Variants in PRKCA observed in about 807,000 individuals in gnomAD.
PRKCA encodes protein kinase C alpha.
In PRKCA, 27 loss-of-function variants were observed where a neutral mutation model predicts 87.0. That is an observed-to-expected ratio of 0.31 (90% CI 0.23 to 0.43). PRKCA has a LOEUF of 0.43. Ranked by LOEUF, PRKCA falls within the 20% of genes least tolerant of loss-of-function variation. The pLI is 1.00. For missense variants in PRKCA, 518 were observed against 852.3 expected, an observed-to-expected ratio of 0.61 and a Z score of 4.88; for synonymous variants, 329 against 311.1, an observed-to-expected ratio of 1.06 and a Z score of -0.61.
At chr17:66,647,514 C>T (rs539664675) in intron 5 of PRKCA, among the ~76,000 whole-genome samples, 1 of 152,334 alleles carries the variant, frequency 6.6e-6, no homozygotes, top group African/African-American at 2.4e-5. Context: ...GCTGGACACG[C>T]CCCGTGCCGT....
intron 15 of PRKCA, among the ~76,000 whole-genome samples, chr17:66,787,763 T>C (rs896707492): frequency 3.3e-5 from 5 of 151,796 alleles, no homozygotes; most frequent in African/African-American, 1.2e-4. Flanking sequence ...GGATTAGTCT[T>C]GCCTGTTTTG....
At chr17:66,727,329 G>C (rs1973779885) in intron 8 of PRKCA, among the ~76,000 whole-genome samples, 1 of 152,176 alleles carries the variant, frequency 6.6e-6, no homozygotes. Flanking sequence ...TCTTTAAGGG[G>C]TGGGATATTC....
chr17:66,423,579 T>G (rs924379363), intron 2 of PRKCA, among the ~76,000 whole-genome samples: 9 of 152,260 alleles, frequency 5.9e-5, no homozygotes, highest in Non-Finnish European at 1.3e-4. Context: ...GGAAGTCATC[T>G]GACAGTCCTG....
intron 5 of PRKCA, among the ~76,000 whole-genome samples, chr17:66,678,002 C>T (rs192397502): frequency 2.6e-5 from 4 of 152,316 alleles, no homozygotes; most frequent in African/African-American, 9.6e-5. Flanking sequence ...GAATAACCAC[C>T]ACCCAAAGAC....
intron 2 of PRKCA, among the ~76,000 whole-genome samples, chr17:66,439,105 CTG>C (rs1322111507): frequency 4.6e-5 from 7 of 152,166 alleles, no homozygotes; most frequent in African/African-American, 1.7e-4. Context: ...GCTTTATATT[CTG>C]TGTCTTGTTT....
chr17:66,585,521 T>G (rs1969566352), intron 3 of PRKCA, among the ~76,000 whole-genome samples: 2 of 152,212 alleles, frequency 1.3e-5, no homozygotes, highest in Non-Finnish European at 2.9e-5. Context: ...GTAGCACAAA[T>G]AAGATTACAT....
chr17:66,604,203 C>T (rs1970144242), intron 3 of PRKCA, among the ~76,000 whole-genome samples: 1 of 151,852 alleles, frequency 6.6e-6, no homozygotes, highest in African/African-American at 2.4e-5. Flanking sequence ...GATAATAGCT[C>T]TAAATAAGAA....
intron 13 of PRKCA, among the ~76,000 whole-genome samples, chr17:66,745,051 C>A (rs1034216400): frequency 1.3e-5 from 2 of 152,228 alleles, no homozygotes; most frequent in South Asian, 4.1e-4. Context: ...GCTCAAGATC[C>A]TTAATTTGCC....
intron 5 of PRKCA, among the ~76,000 whole-genome samples, chr17:66,672,282 C>T (rs1202787347): frequency 6.6e-6 from 1 of 152,088 alleles, no homozygotes; most frequent in African/African-American, 2.4e-5. Context: ...TTGTTACTAC[C>T]TTCTAGAAAA....
intron 3 of PRKCA, among the ~76,000 whole-genome samples, chr17:66,587,653 G>C (rs1452061756): frequency 6.7e-6 from 1 of 149,868 alleles, no homozygotes; most frequent in Admixed American, 6.7e-5. Flanking sequence ...TAACATATAT[G>C]TGTGTGTATA....
At chr17:66,512,645 C>T (rs746655530) in intron 3 of PRKCA, among the ~76,000 whole-genome samples, 17 of 152,110 alleles carry the variant, frequency 1.1e-4, no homozygotes, top group Non-Finnish European at 2.4e-4. Flanking sequence ...GATGCTCATT[C>T]GTACGATTTC....
chr17:66,721,509 A>G lies in PRKCA; in HGVS notation c.919-11179A>G, dbSNP rs561543296. ...TCATATGCTTTAAAAGGTGTGGATTATTCATGAGTTTTCTGGGAAAGGGGC... is the reference window on the plus strand; with the variant it reads ...TCATATGCTTTAAAAGGTGTGGATTGTTCATGAGTTTTCTGGGAAAGGGGC... On this transcript the variant is annotated intron_variant, in intron 8 of 16. Coordinates refer to ENST00000413366, the MANE Select transcript of PRKCA (RefSeq NM_002737.3). 5.9e-5 allele frequency among the ~76,000 whole-genome samples: 9 copies of G among 151,670 alleles called. No homozygotes were observed. In the East Asian group the frequency reaches 1.7e-3, roughly 29 times the overall value.
chr17:66,517,620 G>A (rs16959450), intron 3 of PRKCA, among the ~76,000 whole-genome samples: 22,110 of 152,144 alleles, frequency 0.15, 1,862 homozygotes, highest in East Asian at 0.3. Context: ...TAACCTTGAC[G>A]TTAGACAGAA....
At chr17:66,477,605 C>T (rs1209719006) in intron 2 of PRKCA, among the ~76,000 whole-genome samples, 1 of 152,122 alleles carries the variant, frequency 6.6e-6, no homozygotes, top group Non-Finnish European at 1.5e-5. Flanking sequence ...GAGGCTGAGG[C>T]AGGAGAATTG....
At chr17:66,799,061 G>GGTGA in intron 16 of PRKCA, among the ~76,000 whole-genome samples, 2 of 32,454 alleles carry the variant, frequency 6.2e-5, no homozygotes, top group Non-Finnish European at 1.5e-4. Flanking sequence ...GATGGTGGTG[G>GGTGA]TGGTGGTGGT....
At chr17:66,439,339 C>G (rs1053651854) in intron 2 of PRKCA, among the ~76,000 whole-genome samples, 11 of 152,046 alleles carry the variant, frequency 7.2e-5, no homozygotes, top group African/African-American at 2.7e-4. Context: ...CACCACCATA[C>G]CTGGCTAATT....
chr17:66,552,987 CT>C (rs765136264), intron 3 of PRKCA, among the ~76,000 whole-genome samples: 72 of 96,942 alleles, frequency 7.4e-4, no homozygotes, highest in South Asian at 2.1e-3. Context: ...TGAATATTTT[CT>C]TTTTTTTTTT....
intron 3 of PRKCA, among the ~76,000 whole-genome samples, chr17:66,572,389 C>T (rs1171676245): frequency 1.3e-5 from 2 of 152,082 alleles, no homozygotes; most frequent in African/African-American, 4.8e-5. Flanking sequence ...ATAGCTTGAA[C>T]CCGGGAGCAA....
chr17:66,419,387 T>G (rs1912360473), intron 2 of PRKCA, among the ~76,000 whole-genome samples: 1 of 152,236 alleles, frequency 6.6e-6, no homozygotes, highest in South Asian at 2.1e-4. Flanking sequence ...ATAACATGTG[T>G]CTGTTGTAAC....
Sources: allele counts gnomAD v4.1 joint callset (sites outside exome capture counted in the v4.1 genomes callset), GRCh38; gene constraint gnomAD v4.1.1; transcripts MANE v1.5; gene names NCBI Gene and HGNC (gene_info 2026-07-23, HGNC 2026-07-21).